The following RIF1 variants were observed in gnomAD, a reference collection of about 807,000 sequenced individuals.
The protein encoded by RIF1 is replication timing regulatory factor 1, also known as telomere-associated protein RIF1.
In RIF1, 45 loss-of-function variants were observed where a neutral mutation model predicts 247.1. The observed-to-expected ratio is 0.18, with a 90% CI of 0.14 to 0.23. RIF1 has a LOEUF of 0.23. Among genes scored for constraint, RIF1 ranks in the 10% least tolerant of loss-of-function variants. The pLI is 1.00. For synonymous variants in RIF1, 1,087 were observed against 978.8 expected (o/e 1.11, Z -2.06); for missense variants, 2,967 against 2,862.5 (o/e 1.04, Z -0.83).
intron 10 of RIF1, among the ~76,000 whole-genome samples, chr2:151,498,857 T>C (rs2062222336): frequency 6.6e-6 from 1 of 151,252 alleles, no homozygotes; most frequent in African/African-American, 2.4e-5. Flanking sequence ...AGAACAACGA[T>C]GTTTAAGGCA....
chr2:151,493,621 C>T (rs541272208), intron 9 of RIF1, among the ~76,000 whole-genome samples: 1 of 152,216 alleles, frequency 6.6e-6, no homozygotes, highest in South Asian at 2.1e-4. Context: ...ATCACTGTGA[C>T]CTCGTGGGGT....
At position 151,429,424 on chromosome 2, in the gene RIF1, G is replaced by A. The variant is rs551842372; in HGVS notation, c.925+502G>A. 1.1e-4 allele frequency among the ~76,000 whole-genome samples: 17 copies of A among 152,196 alleles called. No homozygotes were observed. In the South Asian group the frequency reaches 1.9e-3, roughly 17 times the overall value. On this transcript the variant is annotated intron_variant, in intron 9 of 35. Coordinates refer to ENST00000444746, the MANE Select transcript of RIF1 (RefSeq NM_018151.5). ...TGGAACTCCTGACCTCAAGTGATCC[G>A]CCCTCCTTGGCCTCCCAAATGCTGG... is the stretch of plus-strand genomic sequence containing the variant.
rs1299465673 is a variant in RIF1 at position 151,482,122 on chromosome 2, CA to C, written c.*7052del. The C allele has an allele frequency of 2.6e-5, 4 of 152,184 alleles. No homozygotes were observed. The highest frequency in any genetic ancestry group is 4.4e-5 in the Non-Finnish European group (3 of 68,026). The allele number at this position is 152,184 out of a possible 1,614,324, so 9.4% of individuals were successfully genotyped here. On this transcript the variant is annotated 3_prime_UTR_variant, in exon 36 of 36. Coordinates refer to ENST00000444746, the MANE Select transcript of RIF1 (RefSeq NM_018151.5). ...TGCCAATGGAAACTGGATATTGAAA[CA>C]TTTTTTTAAGAAATGCACTTTTACC...
intron 9 of RIF1, among the ~76,000 whole-genome samples, chr2:151,488,562 C>CT (rs1020993852): frequency 7.2e-5 from 11 of 151,730 alleles, no homozygotes; most frequent in African/African-American, 2.7e-4. Context: ...TGGAGGATTG[C>CT]TTGAGTCCAT....
At chr2:151,434,180 AAAG>A (rs1403956504) in intron 10 of RIF1, among the ~76,000 whole-genome samples, 2 of 147,410 alleles carry the variant, frequency 1.4e-5, no homozygotes, top group African/African-American at 2.7e-5. Context: ...AAAAAAAAAA[AAAG>A]AGAGAAATCA....
intron 9 of RIF1, chr2:151,494,103 C>T: frequency 7.0e-7 from 1 of 1,420,078 alleles, no homozygotes; most frequent in Middle Eastern, 1.9e-4. Context: ...TAGGAGCAGG[C>T]CAAACTGCAA....
chr2:151,435,521 G>A lies in RIF1; in HGVS notation c.1136G>A (p.Gly379Asp), dbSNP rs752615010. Residue 379 changes from glycine (G) to aspartate (D), a missense_variant, in exon 11 of 36, where the codon GGC becomes GAC. Gly to Asp is a moderately conservative substitution (Grantham distance 94). This residue lies in a region of RIF1 where 369 missense variants were observed against 322.0 expected (regional missense o/e 1.15). Transcript: ENST00000444746. ...ATTGATTCTAATGCCTCACCTCAGGGCAATTCGTGTCATGTAGCTACATCT... is the reference window on the plus strand; with the variant it reads ...ATTGATTCTAATGCCTCACCTCAGGACAATTCGTGTCATGTAGCTACATCT... ...ISIDSNASPQ[G>D]NSCHVATSPG... The A allele has an allele frequency of 1.2e-6, 2 of 1,612,976 alleles. No individual in the cohort carries two copies. The highest frequency in any genetic ancestry group is 2.2e-5 in the South Asian group (2 of 91,058).
chr2:151,465,444 T>C lies in RIF1; in HGVS notation c.5924T>C (p.Leu1975Pro). The C allele has an allele frequency of 6.2e-7, 1 of 1,614,036 alleles. No individual in the cohort carries two copies. The highest frequency in any genetic ancestry group is 8.5e-7 in the Non-Finnish European group (1 of 1,179,962). The change falls in exon 30 of 36, where the codon CTT (leucine) becomes CCT (proline). Residue 1975 changes from leucine to proline, a missense_variant. By Grantham distance (98) the Leu-to-Pro change is moderately conservative (BLOSUM62 -3). Transcript: ENST00000444746. ...GAGGAATTTAATTCAGATATTAGTC[T>C]TTCTGATAATACTACACCTGTAAAA... ...ATEEFNSDIS[L>P]SDNTTPVKLN...
Position 151,480,470 on chromosome 2 carries a change from T to A in RIF1, c.*5399T>A, listed in dbSNP as rs1381924623. The A allele has an allele frequency of 6.6e-6, 1 of 152,206 alleles. No homozygotes were observed. The highest frequency in any genetic ancestry group is 1.5e-5 in the Non-Finnish European group (1 of 68,014). 9.4% of individuals were successfully genotyped at this position (152,206 alleles called of 1,614,324 possible). On this transcript the variant is annotated 3_prime_UTR_variant, in exon 36 of 36. Transcript: ENST00000444746. ...AGCTGTCCTATATACTCCTGTATAC[T>A]TCAGAAATAGCTGATAGCCTATAGT...
the RIF1 span, chr2:151,526,023 A>G: frequency 1.9e-6 from 3 of 1,613,954 alleles, no homozygotes; most frequent in Admixed American, 5.0e-5. Flanking sequence ...AGTGTTGTGT[A>G]TGAGCCCTGT....
In RIF1 at chr2:151,462,961, G is replaced by C. The variant is rs766444607; in HGVS notation, c.3441G>C (p.Lys1147Asn). 1 of 1,614,042 alleles carries C rather than the reference G, an allele frequency of 6.2e-7. No individual in the cohort carries two copies. The highest frequency in any genetic ancestry group is 2.2e-5 in the East Asian group (1 of 44,878). ...GTGGTATGGCTGAACATCTTGAAAA[G>C]TCCTCCCTTTCGAATAATGAGTGTG... Reference protein sequence around the residue: ...EDCGMAEHLEKSSLSNNECGS... With the variant: ...EDCGMAEHLENSSLSNNECGS... The change falls in exon 30 of 36, where the codon AAG becomes AAC. Residue 1147 changes from lysine (K) to asparagine (N), a missense_variant. Coordinates refer to ENST00000444746, the MANE Select transcript of RIF1 (RefSeq NM_018151.5).
Position 151,426,670 on chromosome 2 carries a change from GT to G in RIF1, c.787-2104del, listed in dbSNP as rs1281058182. Among the ~76,000 whole-genome samples, 275 of 143,004 alleles carry G rather than the reference GT, an allele frequency of 1.9e-3. 2 individuals are homozygous for G. Among genetic ancestry groups the G allele is most frequent in the African/African-American group, 6.8e-3 (261 of 38,480 alleles). The allele number at this position is 143,004 out of a possible 152,430, so 93.8% of individuals were successfully genotyped here. ...TCCATTTATTTAGGGTTTTTTTTTT[GT>G]TTTTTTTTTAAGACAGAGTCTCGCT... On this transcript the variant is annotated intron_variant, in intron 8 of 35. Transcript: ENST00000444746.
intron 23 of RIF1, among the ~76,000 whole-genome samples, chr2:151,457,518 A>G (rs1695405151): frequency 6.6e-6 from 1 of 152,228 alleles, no homozygotes; most frequent in Non-Finnish European, 1.5e-5. Context: ...TTATCTTGTT[A>G]TAATTATTAC....
chr2:151,524,617 C>CTTTAT, the RIF1 span: 4 of 1,389,282 alleles, frequency 2.9e-6, no homozygotes, highest in Non-Finnish European at 4.0e-6. Context: ...TGTAAGCGAC[C>CTTTAT]TTTATTGGGG....
At chr2:151,446,934 C>T (rs558451024) in intron 20 of RIF1, among the ~76,000 whole-genome samples, 2 of 141,096 alleles carry the variant, frequency 1.4e-5, no homozygotes, top group East Asian at 4.2e-4. Context: ...ATATAAGTCT[C>T]TTTTCTCTTT....
chr2:151,447,535 T>C (rs1456835003), intron 20 of RIF1, among the ~76,000 whole-genome samples: 7 of 152,304 alleles, frequency 4.6e-5, no homozygotes, highest in African/African-American at 1.7e-4. Context: ...TTACTTGGAA[T>C]TCTATTATTT....
At chr2:151,455,969 C>A (rs1381266077) in intron 22 of RIF1, among the ~76,000 whole-genome samples, 1 of 152,024 alleles carries the variant, frequency 6.6e-6, no homozygotes, top group Non-Finnish European at 1.5e-5. Flanking sequence ...AAATCATTGC[C>A]CACATTTGCC....
At chr2:151,442,767 A>ATTTTTTTTTTTTTT (rs59128582) in intron 16 of RIF1, among the ~76,000 whole-genome samples, 1 of 104,052 alleles carries the variant, frequency 9.6e-6, no homozygotes, top group Non-Finnish European at 1.9e-5. Flanking sequence ...AAAGAGCTTG[A>ATTTTTTTTTTTTTT]TTTTTTTTTT....
Position 151,436,578 on chromosome 2 carries a change from T to C in RIF1, c.1196-249T>C, listed in dbSNP as rs144751742. ...AAAAAAAATCTCAGCAGTTATAAAG[T>C]GTCTTCTTTATGTATGTCATTGAAA... On this transcript the variant is annotated intron_variant, in intron 11 of 35. Transcript: ENST00000444746. Among the ~76,000 whole-genome samples, 440 of 151,734 alleles carry C rather than the reference T, an allele frequency of 2.9e-3. 2 individuals carry two copies. The highest frequency in any genetic ancestry group is 0.01 in the African/African-American group (423 of 41,400).
Sources: gnomAD v4.1 joint callset for allele counts (sites outside exome capture counted in the v4.1 genomes callset) on GRCh38, gnomAD v4.1.1 for gene constraint, gnomAD v4.1.1 regional missense constraint, MANE v1.5 for transcripts, NCBI Gene and HGNC (gene_info 2026-07-23, HGNC 2026-07-21) for gene names.